The following FAAH2 variants were observed in gnomAD, a reference collection of about 807,000 sequenced individuals.
FAAH2 encodes fatty acid amide hydrolase 2, also known as fatty-acid amide hydrolase 2.
FAAH2 carries 60 observed loss-of-function variants against 36.9 expected under a neutral mutation model. The ratio of observed to expected loss-of-function variants is 1.63; its 90% CI spans 1.32 to 2.02. The LOEUF (loss-of-function observed/expected upper bound fraction) is 2.02, where lower values mean the gene tolerates loss of function less well. Among genes scored for constraint, FAAH2 ranks in the 30% most tolerant of loss-of-function variants. The pLI is 0.00. For missense variants in FAAH2, 689 were observed against 397.5 expected, an observed-to-expected ratio of 1.73 and a Z score of -6.23; for synonymous variants, 214 against 143.8, an observed-to-expected ratio of 1.49 and a Z score of -3.49.
chrX:57,401,382 G>A (rs2055431458), intron 7 of FAAH2, among the ~76,000 whole-genome samples: 2 of 111,274 alleles, frequency 1.8e-5, no homozygotes, highest in Non-Finnish European at 3.8e-5. Context: ...TTGAGAGTCA[G>A]GATGTACAGG....
chrX:57,290,257 C>A, intron 1 of FAAH2: 3 of 745,857 alleles, frequency 4.0e-6, no homozygotes, highest in Non-Finnish European at 4.7e-6. Flanking sequence ...GTAGCAGTGG[C>A]AGTTGAAGAT....
chrX:57,241,708 C>T, the FAAH2 span, among the ~76,000 whole-genome samples: 1 of 111,724 alleles, frequency 9.0e-6, no homozygotes, highest in Admixed American at 9.5e-5. Context: ...TACCTTTCCC[C>T]TTGTGTCCAC....
chrX:57,403,659 G>C (rs1418295580), intron 7 of FAAH2, among the ~76,000 whole-genome samples: 1 of 112,497 alleles, frequency 8.9e-6, no homozygotes, highest in Non-Finnish European at 1.9e-5. Flanking sequence ...CAGCTCGCAC[G>C]TTTGAGCAGA....
intron 2 of FAAH2, among the ~76,000 whole-genome samples, chrX:57,306,424 A>G (rs1260162353): frequency 1.8e-5 from 2 of 110,782 alleles, no homozygotes; most frequent in East Asian, 5.7e-4. Context: ...GTGAAAAGGT[A>G]GTGGTGTGGC....
chrX:57,187,945 G>A, the FAAH2 span, among the ~76,000 whole-genome samples: 1 of 111,667 alleles, frequency 9.0e-6, no homozygotes, highest in Non-Finnish European at 1.9e-5. Flanking sequence ...TTTTTGATGT[G>A]CTGCTAGATT....
chrX:57,251,315 A>T, the FAAH2 span, among the ~76,000 whole-genome samples: 1 of 111,857 alleles, frequency 8.9e-6, no homozygotes, highest in Non-Finnish European at 1.9e-5. Context: ...TACATGATAA[A>T]ATCTCTCAAA....
chrX:57,127,340 A>C, the FAAH2 span: 1 of 111,287 alleles, frequency 9.0e-6, no homozygotes, highest in Non-Finnish European at 1.9e-5. Context: ...GCATGAGGTA[A>C]AAAGGCATCA....
At chrX:57,473,140 T>C (rs191770824) in intron 10 of FAAH2, among the ~76,000 whole-genome samples, 2 of 111,458 alleles carry the variant, frequency 1.8e-5, no homozygotes, top group Admixed American at 9.6e-5. Flanking sequence ...ATTTTAGAGC[T>C]CTCTCTCCTT....
In FAAH2 at chrX:57,394,146, G is replaced by A. The variant is rs1023566325; in HGVS notation, c.996+13117G>A. The A allele has an allele frequency of 8.8e-6, 6 of 682,863 alleles. No individual in the cohort carries two copies. In the Admixed American group the frequency reaches 1.3e-4, roughly 15 times the overall value. 56.3% of individuals were successfully genotyped at this position (682,863 alleles called of 1,213,427 possible). A position where few individuals can be genotyped will look rare whatever the true frequency, so the allele number is the denominator to read the frequency against. ...AGGTGAAGATTAAACTCTTCCATAG[G>A]AATGACCTGGGAGTAGCCGCCTCCT... On this transcript the variant is annotated intron_variant, in intron 7 of 10. Coordinates refer to ENST00000374900, the MANE Select transcript of FAAH2 (RefSeq NM_174912.4).
chrX:57,485,193 G>A lies in FAAH2; in HGVS notation c.1424-3564G>A, dbSNP rs1352036076. Among the ~76,000 whole-genome samples the A allele has an allele frequency of 2.7e-5, 3 of 112,015 alleles. No homozygotes were observed. In the East Asian group the frequency reaches 8.4e-4, roughly 32 times the overall value. On this transcript the variant is annotated intron_variant, in intron 10 of 10. Transcript: ENST00000374900. ...CTTTCCTCCTACAGATGCAGTGTTG[G>A]ATTTTGTTGTGGGAGGCATGCACAG...
chrX:57,341,260 GT>G lies in FAAH2; in HGVS notation c.623-8del, dbSNP rs760361862. Reference sequence around the variant, plus strand: ...GATTATTTATTTGCAAGTATTTTGTGTTTCTTGTAGGTGGTGAGGGCTGCAC... The same window carrying G: ...GATTATTTATTTGCAAGTATTTTGTGTTCTTGTAGGTGGTGAGGGCTGCAC... On this transcript the variant is annotated splice_polypyrimidine_tract_variant and intron_variant, in intron 4 of 10. Coordinates refer to ENST00000374900, the MANE Select transcript of FAAH2 (RefSeq NM_174912.4). 2.5e-6 allele frequency: 3 copies of G among 1,192,160 alleles called. No individual in the cohort carries two copies. The African/African-American group carries it at 5.3e-5, about 21-fold the overall frequency.
chrX:57,170,856 C>T, the FAAH2 span, among the ~76,000 whole-genome samples: 1 of 107,019 alleles, frequency 9.3e-6, no homozygotes. Flanking sequence ...AGGCGCTCGC[C>T]ACCATGACCA....
chrX:57,263,132 A>T, the FAAH2 span, among the ~76,000 whole-genome samples: 1 of 111,688 alleles, frequency 9.0e-6, no homozygotes, highest in African/African-American at 3.2e-5. Context: ...AGTAAATAAA[A>T]TTCTGATCAG....
intron 7 of FAAH2, among the ~76,000 whole-genome samples, chrX:57,429,255 C>T (rs762949528): frequency 6.6e-5 from 7 of 106,505 alleles, no homozygotes; most frequent in African/African-American, 1.7e-4. Flanking sequence ...AGGAGAATGG[C>T]GTGAACCTGG....
the FAAH2 span, among the ~76,000 whole-genome samples, chrX:57,141,560 A>G: frequency 1.8e-5 from 2 of 111,198 alleles, no homozygotes; most frequent in Non-Finnish European, 3.8e-5. Context: ...CCACAAGATC[A>G]TGGGCTTTTC....
chrX:57,334,298 A>ACACACACACACACACACACAC (rs1569269177), intron 4 of FAAH2, among the ~76,000 whole-genome samples: 3 of 109,808 alleles, frequency 2.7e-5, no homozygotes, highest in Admixed American at 9.8e-5. Context: ...ACACACACAC[A>ACACACACACACACACACACAC]AAGATGGGAG....
chrX:57,279,453 G>A, the FAAH2 span, among the ~76,000 whole-genome samples: 34 of 111,560 alleles, frequency 3.0e-4, 1 homozygote, highest in African/African-American at 1.1e-3. Context: ...TGCCTGTTGG[G>A]GACTGGGGGA....
chrX:57,465,127 ATTATGT>A (rs761703278), intron 10 of FAAH2, among the ~76,000 whole-genome samples: 3 of 111,819 alleles, frequency 2.7e-5, no homozygotes, highest in Non-Finnish European at 5.7e-5. Context: ...GGAGCTCAAC[ATTATGT>A]TTTAAATGGA....
chrX:57,158,631 C>T, the FAAH2 span, among the ~76,000 whole-genome samples: 8 of 112,347 alleles, frequency 7.1e-5, no homozygotes, highest in Non-Finnish European at 1.5e-4. Context: ...TGTCTGTTGG[C>T]TGCATAAATG....
Sources: gnomAD v4.1 joint callset for allele counts (sites outside exome capture counted in the v4.1 genomes callset) on GRCh38, gnomAD v4.1.1 for gene constraint, MANE v1.5 for transcripts, NCBI Gene and HGNC (gene_info 2026-07-23, HGNC 2026-07-21) for gene names.